Variants in TFCP2 observed in about 807,000 individuals in gnomAD.
TFCP2 encodes alpha-globin transcription factor CP2.
In TFCP2, 33 loss-of-function variants were observed where a neutral mutation model predicts 73.4. The observed-to-expected ratio is 0.45, with a 90% confidence interval of 0.34 to 0.60. TFCP2 has a LOEUF of 0.60. Among genes scored for constraint, TFCP2 ranks in the 20% least tolerant of loss-of-function variants. The pLI is 0.01. For synonymous variants in TFCP2, 193 were observed against 211.6 expected (o/e 0.91, Z 0.76); for missense variants, 352 against 604.0 (o/e 0.58, Z 4.37).
rs1940249929 is a variant in TFCP2 at position 51,106,578 on chromosome 12, G to T, written c.864C>A (p.Asn288Lys). 1 of 1,613,464 alleles carries T rather than the reference G, an allele frequency of 6.2e-7. No individual in the cohort carries two copies. Among genetic ancestry groups the T allele is most frequent in the Non-Finnish European group, 8.5e-7 (1 of 1,179,772 alleles). The part of the protein sequence containing the change: ...SPWPEITYVN[N>K]SPSPGFNSSH... ...AACTGTTGAAGCCAGGTGATGGGGA[G>T]TTATTGACATACGTGATCTCGGGCC... Residue 288 changes from asparagine (N) to lysine (K), a missense_variant, in exon 8 of 15, where the codon AAC (asparagine) becomes AAA (lysine). Around this residue, in one of 6 missense-constraint regions of TFCP2, gnomAD observed 194 missense variants for 256.3 expected, o/e 0.76. Transcript: ENST00000257915.
At position 51,095,118 on chromosome 12, in the gene TFCP2, C is replaced by A. The variant is rs779034344; in HGVS notation, c.*123G>T. On this transcript the variant is annotated 3_prime_UTR_variant, in exon 15 of 15. Transcript: ENST00000257915. Reference sequence around the variant, plus strand: ...TTCTGCCTCCATGGCCTGGACTCCTCCACACACAGTCAGACGAGTCAGGTT... The same window carrying A: ...TTCTGCCTCCATGGCCTGGACTCCTACACACACAGTCAGACGAGTCAGGTT... 3.2e-5 allele frequency: 36 copies of A among 1,134,904 alleles called. No homozygotes were observed. Among genetic ancestry groups the A allele is most frequent in the Middle Eastern group, 2.0e-4 (1 of 5,040 alleles). 70.3% of individuals were successfully genotyped at this position (1,134,904 alleles called of 1,614,324 possible).
intron 1 of TFCP2, among the ~76,000 whole-genome samples, chr12:51,140,957 G>A (rs1481941420): frequency 6.6e-6 from 1 of 151,980 alleles, no homozygotes; most frequent in African/African-American, 2.4e-5. Flanking sequence ...TTGGGAGGCT[G>A]AGGCAGGTGA....
Position 51,172,570 on chromosome 12 carries a change from C to T in TFCP2, c.-148G>A, listed in dbSNP as rs1941884807. 9.8e-7 allele frequency: 1 copy of T among 1,017,852 alleles called. No individual in the cohort carries two copies. Among genetic ancestry groups the T allele is most frequent in the Non-Finnish European group, 1.4e-6 (1 of 703,176 alleles). 63.1% of individuals were successfully genotyped at this position (1,017,852 alleles called of 1,614,324 possible). A position where few individuals can be genotyped will look rare whatever the true frequency, so the allele number is the denominator to read the frequency against. On this transcript the variant is annotated 5_prime_UTR_variant, in exon 1 of 15. Transcript: ENST00000257915. ...ACCAGCCACCCCCAAGCCCGACCAG[C>T]ACTGCTCTGTGCACAACTAATCTCC... is the stretch of plus-strand genomic sequence containing the variant.
chr12:51,124,099 T>TC (rs869265700), intron 1 of TFCP2, among the ~76,000 whole-genome samples: 2 of 5,560 alleles, frequency 3.6e-4, no homozygotes, highest in Admixed American at 4.7e-3. Flanking sequence ...GCTACTTTTC[T>TC]TTTTTTTTTC....
chr12:51,148,580 G>A (rs1324925376), intron 1 of TFCP2, among the ~76,000 whole-genome samples: 3 of 151,548 alleles, frequency 2.0e-5, no homozygotes, highest in Non-Finnish European at 2.9e-5. Flanking sequence ...GGCGCCTGTA[G>A]TCCAGGCTAC....
intron 3 of TFCP2, 51 bp downstream of exon 3, chr12:51,117,620 C>A: frequency 7.0e-7 from 1 of 1,436,666 alleles, no homozygotes; most frequent in South Asian, 1.2e-5. Context: ...TTTAAAATCC[C>A]AAAAGGATTA....
intron 1 of TFCP2, among the ~76,000 whole-genome samples, chr12:51,166,760 T>C (rs1468255480): frequency 4.6e-5 from 7 of 152,180 alleles, no homozygotes; most frequent in Non-Finnish European, 1.0e-4. Context: ...CCAAGCCCTA[T>C]TTTCAGGGTG....
At chr12:51,161,339 G>A (rs1459604369) in intron 1 of TFCP2, among the ~76,000 whole-genome samples, 4 of 151,604 alleles carry the variant, frequency 2.6e-5, no homozygotes, top group Non-Finnish European at 5.9e-5. Context: ...ACAAAAATTT[G>A]CAAAGCAAAC....
In TFCP2 at chr12:51,098,792, A is replaced by G. The variant is rs751382745; in HGVS notation, c.1403T>C (p.Val468Ala). 1.2e-6 allele frequency: 2 copies of G among 1,614,190 alleles called. No homozygotes were observed. Among genetic ancestry groups the G allele is most frequent in the South Asian group, 1.1e-5 (1 of 91,090 alleles). ...AAAATCTACCTCATCACTGATGAGCACATGAATTCCTGTTGGCCCCTGCTT... is the reference window on the plus strand; with the variant it reads ...AAAATCTACCTCATCACTGATGAGCGCATGAATTCCTGTTGGCCCCTGCTT... ...IYKQGPTGIHVLISDEMIQNF... is the reference protein window; with the variant it reads ...IYKQGPTGIHALISDEMIQNF... The change falls in exon 13 of 15, where the codon GTG becomes GCG. Residue 468 changes from valine to alanine, a missense_variant. By Grantham distance (64) the Val-to-Ala change is moderately conservative (BLOSUM62 0). Coordinates refer to ENST00000257915, the MANE Select transcript of TFCP2 (RefSeq NM_005653.5).
intron 4 of TFCP2, among the ~76,000 whole-genome samples, chr12:51,111,590 T>C (rs1035075333): frequency 3.3e-4 from 50 of 151,910 alleles, no homozygotes; most frequent in African/African-American, 1.2e-3. Flanking sequence ...GCACGGTGGC[T>C]CACACCTGTA....
At chr12:51,133,031 A>G (rs1351315643) in intron 1 of TFCP2, among the ~76,000 whole-genome samples, 1 of 152,218 alleles carries the variant, frequency 6.6e-6, no homozygotes, top group Non-Finnish European at 1.5e-5. Context: ...ATGCAATAAG[A>G]TAACAAAGCT....
intron 1 of TFCP2, among the ~76,000 whole-genome samples, chr12:51,155,730 A>G (rs187595781): frequency 1.2e-3 from 185 of 152,262 alleles, no homozygotes; most frequent in African/African-American, 4.1e-3. Flanking sequence ...TGATTTTTAC[A>G]TCAATGTTTC....
chr12:51,101,888 C>A (rs756634295), intron 11 of TFCP2, 47 bp downstream of exon 11: 7 of 1,222,070 alleles, frequency 5.7e-6, no homozygotes, highest in Non-Finnish European at 3.6e-6. Context: ...GAATCCAAAT[C>A]CATTTGGAAT....
At chr12:51,121,057 A>G (rs1263186004) in intron 1 of TFCP2, among the ~76,000 whole-genome samples, 1 of 151,996 alleles carries the variant, frequency 6.6e-6, no homozygotes. Flanking sequence ...GAAAAAATAT[A>G]TATAGGCCAC....
intron 1 of TFCP2, among the ~76,000 whole-genome samples, chr12:51,119,379 C>T (rs1940604361): frequency 6.6e-6 from 1 of 152,178 alleles, no homozygotes; most frequent in Admixed American, 6.5e-5. Context: ...AATGTAAAAC[C>T]ACACTCTCAT....
At position 51,146,606 on chromosome 12, in the gene TFCP2, C is replaced by T. The variant is rs573907604; in HGVS notation, c.122+25695G>A. Reference sequence around the variant, plus strand: ...TAAGTATACTAGAACAATAATTTAGCATTATCTTGTAGGAAGATACAGCAA... The same window carrying T: ...TAAGTATACTAGAACAATAATTTAGTATTATCTTGTAGGAAGATACAGCAA... On this transcript the variant is annotated intron_variant, in intron 1 of 14. Coordinates refer to ENST00000257915, the MANE Select transcript of TFCP2 (RefSeq NM_005653.5). Among the ~76,000 whole-genome samples the T allele has an allele frequency of 5.3e-5, 8 of 152,288 alleles. No homozygotes were observed. The South Asian group carries it at 1.0e-3, about 20-fold the overall frequency.
At chr12:51,157,972 C>T (rs548945779) in intron 1 of TFCP2, among the ~76,000 whole-genome samples, 1 of 151,772 alleles carries the variant, frequency 6.6e-6, no homozygotes, top group Admixed American at 6.6e-5. Context: ...ACCACTGCAC[C>T]CGACCCATTT....
At chr12:51,143,636 G>A (rs1941232859) in intron 1 of TFCP2, among the ~76,000 whole-genome samples, 1 of 151,920 alleles carries the variant, frequency 6.6e-6, no homozygotes, top group African/African-American at 2.4e-5. Flanking sequence ...ATCTCACAAG[G>A]TAAGTACTAT....
At chr12:51,140,437 T>C (rs1411852946) in intron 1 of TFCP2, among the ~76,000 whole-genome samples, 1 of 120,256 alleles carries the variant, frequency 8.3e-6, no homozygotes, top group East Asian at 2.1e-4. Flanking sequence ...TATCTTTCTT[T>C]TCTTTTTCTT....
Sources: allele counts gnomAD v4.1 joint callset (sites outside exome capture counted in the v4.1 genomes callset), GRCh38; gene constraint gnomAD v4.1.1; regional missense constraint gnomAD v4.1.1; transcripts MANE v1.5; gene names NCBI Gene and HGNC (gene_info 2026-07-23, HGNC 2026-07-21).